HYDIN: variants seen among roughly 807,000 people sequenced by gnomAD.
The protein encoded by HYDIN is HYDIN axonemal central pair apparatus protein, also known as axonemal central pair apparatus protein HYDIN.
A neutral mutation model predicts 403.9 loss-of-function variants in HYDIN; 132 were observed. That is an observed-to-expected ratio of 0.33 (90% CI 0.28 to 0.38). The LOEUF (loss-of-function observed/expected upper bound fraction) is 0.38, where lower values mean the gene tolerates loss of function less well. Among genes scored for constraint, HYDIN ranks in the 10% least tolerant of loss-of-function variants. The pLI is 1.00. For synonymous variants in HYDIN, 1,202 were observed against 1,891.7 expected (o/e 0.64, Z 9.46); for missense variants, 2,827 against 5,009.5 (o/e 0.56, Z 13.15).
intron 13 of HYDIN, among the ~76,000 whole-genome samples, chr16:71,073,248 G>C (rs1303397094): frequency 6.6e-6 from 1 of 151,902 alleles, no homozygotes; most frequent in East Asian, 1.9e-4. Flanking sequence ...TCATCATTTT[G>C]CCATATTACT....
At chr16:70,931,775 G>A (rs560259116) in intron 45 of HYDIN, among the ~76,000 whole-genome samples, 3 of 152,242 alleles carry the variant, frequency 2.0e-5, no homozygotes, top group South Asian at 2.1e-4. Context: ...AGCACTTTGG[G>A]AGGCCAAGGT....
At chr16:71,198,509 C>T (rs1256706922) in intron 1 of HYDIN, among the ~76,000 whole-genome samples, 1 of 152,118 alleles carries the variant, frequency 6.6e-6, no homozygotes, top group Admixed American at 6.5e-5. Flanking sequence ...ATGCAACATC[C>T]TGAGATGGAA....
Position 71,129,695 on chromosome 16 carries a change from A to G in HYDIN, c.1172T>C (p.Leu391Pro). 6.2e-7 allele frequency: 1 copy of G among 1,614,232 alleles called. No individual in the cohort carries two copies. The highest frequency in any genetic ancestry group is 8.5e-7 in the Non-Finnish European group (1 of 1,180,046). ...GAACAGCTTGCTGTCTCCCTGCACC[A>G]GCCTCCTCTGATTCGCAAAGGTTCG... ...LSRTFANQRR[L>P]VQGDSKLFFN... Residue 391 changes from leucine to proline, a missense_variant, in exon 9 of 86, where the codon CTG becomes CCG. Transcript: ENST00000393567.
At position 71,186,764 on chromosome 16, in the gene HYDIN, T is replaced by G. The variant is rs1482664746; in HGVS notation, c.132A>C (p.Arg44=). Residue 44 remains arginine, a synonymous_variant, in exon 2 of 86, where the codon CGA becomes CGC. Coordinates refer to ENST00000393567, the MANE Select transcript of HYDIN (RefSeq NM_001270974.2). ...PKVVTEEEVN[R]MLTPSEFLKE... Reference sequence around the variant, plus strand: ...TATTAATTCCCGGATACATTACCATTCGGTTTACTTCTTCTTCTGTAACCA... The same window carrying G: ...TATTAATTCCCGGATACATTACCATGCGGTTTACTTCTTCTTCTGTAACCA... 2.5e-6 allele frequency: 4 copies of G among 1,611,414 alleles called. No individual in the cohort carries two copies. Among genetic ancestry groups the G allele is most frequent in the Non-Finnish European group, 2.5e-6 (3 of 1,178,434 alleles).
intron 29 of HYDIN, among the ~76,000 whole-genome samples, chr16:70,979,838 C>T (rs1342306179): frequency 2.0e-5 from 3 of 152,096 alleles, no homozygotes; most frequent in Admixed American, 6.5e-5. Flanking sequence ...GCATGAGAAT[C>T]GCTTGAGCCC....
chr16:71,068,815 T>C (rs1353296859), intron 14 of HYDIN, among the ~76,000 whole-genome samples: 1 of 152,230 alleles, frequency 6.6e-6, no homozygotes, highest in African/African-American at 2.4e-5. Context: ...CACATCCACA[T>C]CCACCATGAA....
At chr16:71,224,765 T>A (rs1035990597) in intron 1 of HYDIN, among the ~76,000 whole-genome samples, 1 of 151,476 alleles carries the variant, frequency 6.6e-6, no homozygotes, top group Non-Finnish European at 1.5e-5. Flanking sequence ...GTTTCACCGT[T>A]TTAGCCGGGA....
intron 1 of HYDIN, among the ~76,000 whole-genome samples, chr16:71,188,172 T>C (rs1053650255): frequency 2.6e-5 from 4 of 151,992 alleles, no homozygotes; most frequent in Admixed American, 6.6e-5. Flanking sequence ...TCTATCTTTT[T>C]CCCCCCGCCC....
chr16:71,044,013 C>G (rs959230829), intron 18 of HYDIN, among the ~76,000 whole-genome samples: 1 of 151,826 alleles, frequency 6.6e-6, no homozygotes. Flanking sequence ...AGAAAGAAAG[C>G]AAGCAAGCAA....
intron 18 of HYDIN, among the ~76,000 whole-genome samples, chr16:71,058,499 C>T (rs1482045655): frequency 1.0e-4 from 12 of 120,214 alleles, no homozygotes; most frequent in Non-Finnish European, 2.1e-4. Flanking sequence ...TGCTAGATGA[C>T]GAGTTAGTGG....
rs1251174500 is a variant in HYDIN, at chr16:70,851,209, A to G, written c.12444-554T>C. 2.1e-5 allele frequency among the ~76,000 whole-genome samples: 3 copies of G among 145,328 alleles called. No individual in the cohort carries two copies. The East Asian group carries it at 5.8e-4, about 28-fold the overall frequency. ...TGGGACCCAATCAATCCTGCAAAAA[A>G]AAAAAAAAAAAAAAAAAAGAGTAAG... On this transcript the variant is annotated intron_variant, in intron 73 of 85. Transcript: ENST00000393567.
rs557844709 is a variant in HYDIN at position 70,870,499 on chromosome 16, C to T, written c.11091+1538G>A. 2.3e-4 allele frequency among the ~76,000 whole-genome samples: 35 copies of T among 150,262 alleles called. No individual in the cohort carries two copies. The East Asian group carries it at 6.1e-3, about 26-fold the overall frequency. ...CCACTCTGGTCATGGCTAAAAGGGGCCAAGGTGTGGCTCAGGACATGGCTG... is the reference window on the plus strand; with the variant it reads ...CCACTCTGGTCATGGCTAAAAGGGGTCAAGGTGTGGCTCAGGACATGGCTG... On this transcript the variant is annotated intron_variant, in intron 65 of 85. Coordinates refer to ENST00000393567, the MANE Select transcript of HYDIN (RefSeq NM_001270974.2).
intron 1 of HYDIN, among the ~76,000 whole-genome samples, chr16:71,215,226 G>A (rs886698314): frequency 1.5e-4 from 23 of 151,938 alleles, no homozygotes; most frequent in Non-Finnish European, 3.2e-4. Flanking sequence ...AGGGAGGAAG[G>A]GAGAAAGGGA....
intron 5 of HYDIN, among the ~76,000 whole-genome samples, chr16:71,167,159 T>C (rs1388681199): frequency 1.3e-5 from 2 of 151,968 alleles, no homozygotes; most frequent in Admixed American, 6.6e-5. Flanking sequence ...ATGATTCTGG[T>C]TTCCAGATGG....
intron 13 of HYDIN, among the ~76,000 whole-genome samples, chr16:71,071,027 T>C (rs1240772344): frequency 2.0e-5 from 3 of 151,938 alleles, no homozygotes; most frequent in Non-Finnish European, 4.4e-5. Context: ...GGAAGGCAGC[T>C]TCACAATCAT....
chr16:70,833,542 T>C (rs537301236), intron 79 of HYDIN, among the ~76,000 whole-genome samples: 83 of 134,482 alleles, frequency 6.2e-4, no homozygotes, highest in African/African-American at 2.5e-3. Flanking sequence ...TGGTATCCCA[T>C]GGCCCTGTGT....
At chr16:71,210,738 A>T (rs1028841275) in intron 1 of HYDIN, among the ~76,000 whole-genome samples, 9 of 152,192 alleles carry the variant, frequency 5.9e-5, no homozygotes, top group African/African-American at 1.9e-4. Context: ...CTATAATTAG[A>T]CTAAAATTTC....
chr16:71,205,787 T>C (rs758006328), intron 1 of HYDIN, among the ~76,000 whole-genome samples: 30 of 152,208 alleles, frequency 2.0e-4, no homozygotes, highest in Non-Finnish European at 4.1e-4. Context: ...CAGCCTCCTG[T>C]TGTCACAGGA....
Position 70,895,972 on chromosome 16 carries a change from C to T in HYDIN, c.9148+9G>A. 1 of 1,598,804 alleles carries T rather than the reference C, an allele frequency of 6.3e-7. No homozygotes were observed. The highest frequency in any genetic ancestry group is 8.5e-7 in the Non-Finnish European group (1 of 1,173,768). ...TCCAAACATCCTGTCCTTGAAGGGCCCAACAGACCTTTGGGGAAGGTGATG... is the reference window on the plus strand; with the variant it reads ...TCCAAACATCCTGTCCTTGAAGGGCTCAACAGACCTTTGGGGAAGGTGATG... On this transcript the variant is annotated intron_variant, in intron 54 of 85. Transcript: ENST00000393567.
Sources: allele counts gnomAD v4.1 joint callset (sites outside exome capture counted in the v4.1 genomes callset), GRCh38; gene constraint gnomAD v4.1.1; transcripts MANE v1.5; gene names NCBI Gene and HGNC (gene_info 2026-07-23, HGNC 2026-07-21).